The following PPCDC variants were observed in gnomAD, a reference collection of about 807,000 sequenced individuals.
PPCDC encodes the protein phosphopantothenoylcysteine decarboxylase.
Under a neutral mutation model 20.7 loss-of-function variants are expected in PPCDC, and 20 were observed. The observed-to-expected ratio is 0.97, with a 90% CI of 0.68 to 1.41. The LOEUF (loss-of-function observed/expected upper bound fraction) is 1.41, where lower values mean the gene tolerates loss of function less well. PPCDC is among the 40% of genes most tolerant of loss of function. The pLI is 0.00. For missense variants in PPCDC, 246 were observed against 263.8 expected, an observed-to-expected ratio of 0.93 and a Z score of 0.47; for synonymous variants, 88 against 100.3, an observed-to-expected ratio of 0.88 and a Z score of 0.73.
chr15:75,034,215 T>C (rs2066059144), intron 2 of PPCDC, among the ~76,000 whole-genome samples: 1 of 152,194 alleles, frequency 6.6e-6, no homozygotes, highest in Non-Finnish European at 1.5e-5. Flanking sequence ...CCAGGTTTCC[T>C]GGGTCCTATC....
At chr15:75,040,690 C>CA (rs1466960185) in intron 2 of PPCDC, among the ~76,000 whole-genome samples, 1 of 151,960 alleles carries the variant, frequency 6.6e-6, no homozygotes, top group East Asian at 1.9e-4. Flanking sequence ...GTTAGGGTCT[C>CA]ACCCTTTCAC....
At chr15:75,027,224 C>G (rs1234059466) in intron 1 of PPCDC, among the ~76,000 whole-genome samples, 1 of 152,126 alleles carries the variant, frequency 6.6e-6, no homozygotes, top group Non-Finnish European at 1.5e-5. Context: ...CTACAGATTC[C>G]CCAGAGGCAG....
chr15:75,028,133 G>C, intron 1 of PPCDC, 114 bp from the exon 2 acceptor site: 2 of 705,796 alleles, frequency 2.8e-6, no homozygotes, highest in Non-Finnish European at 4.6e-6. Context: ...CCTGAAGCCA[G>C]GACTGCTGAT....
intron 2 of PPCDC, among the ~76,000 whole-genome samples, chr15:75,037,701 G>A (rs149299199): frequency 7.2e-5 from 11 of 152,296 alleles, no homozygotes; most frequent in African/African-American, 2.4e-4. Flanking sequence ...AGATTGCGCC[G>A]CTGCACTCCA....
In PPCDC at chr15:75,034,154, G is replaced by A. The variant is rs147474527; in HGVS notation, c.135+5701G>A. On this transcript the variant is annotated intron_variant, in intron 2 of 5. Coordinates refer to ENST00000342932, the MANE Select transcript of PPCDC (RefSeq NM_021823.5). Reference sequence around the variant, plus strand: ...ACCAGGCACAGAGGAAGAGGGTCTCGCCCACGGCCTTCCAGGGAGTGAGTG... The same window carrying A: ...ACCAGGCACAGAGGAAGAGGGTCTCACCCACGGCCTTCCAGGGAGTGAGTG... Among the ~76,000 whole-genome samples the A allele has an allele frequency of 5.1e-3, 771 of 152,272 alleles. 6 individuals carry two copies. Among genetic ancestry groups the A allele is most frequent in the African/African-American group, 0.018 (743 of 41,548 alleles).
intron 3 of PPCDC, 143 bp from the exon 4 acceptor site, chr15:75,044,243 A>C: frequency 8.3e-7 from 1 of 1,206,138 alleles, no homozygotes; most frequent in South Asian, 1.4e-5. Context: ...AGCGCTCGCC[A>C]GCTTAGCTGC....
intron 4 of PPCDC, among the ~76,000 whole-genome samples, chr15:75,047,075 G>T (rs1715861020): frequency 6.6e-6 from 1 of 152,224 alleles, no homozygotes; most frequent in Admixed American, 6.5e-5. Flanking sequence ...CTGCTTTCGT[G>T]GGTTCAGAGT....
At chr15:75,030,789 G>A (rs1002262280) in intron 2 of PPCDC, among the ~76,000 whole-genome samples, 5 of 152,184 alleles carry the variant, frequency 3.3e-5, no homozygotes, top group South Asian at 2.1e-4. Context: ...AACAGCTGGG[G>A]TGTGGGCTGC....
intron 2 of PPCDC, among the ~76,000 whole-genome samples, chr15:75,032,737 A>C (rs1436967161): frequency 2.9e-4 from 6 of 20,496 alleles, no homozygotes; most frequent in South Asian, 3.2e-3. Flanking sequence ...CCCCCCCCCA[A>C]GGCCAAATTC....
At chr15:75,036,332 A>G (rs1227127291) in intron 2 of PPCDC, among the ~76,000 whole-genome samples, 1 of 152,254 alleles carries the variant, frequency 6.6e-6, no homozygotes, top group Non-Finnish European at 1.5e-5. Flanking sequence ...GAATGAAAAT[A>G]AAAGAACAAA....
At chr15:75,037,974 C>A (rs1330543235) in intron 2 of PPCDC, among the ~76,000 whole-genome samples, 2 of 152,020 alleles carry the variant, frequency 1.3e-5, no homozygotes, top group Non-Finnish European at 2.9e-5. Context: ...ATCCATTTAT[C>A]AAAAAGGTGA....
chr15:75,023,826 C>A (rs1191316217), intron 1 of PPCDC, among the ~76,000 whole-genome samples, 200 bp downstream of exon 1: 1 of 152,110 alleles, frequency 6.6e-6, no homozygotes, highest in East Asian at 1.9e-4. Flanking sequence ...CCCGGCTGTA[C>A]GGGTGGGGCC....
intron 2 of PPCDC, among the ~76,000 whole-genome samples, chr15:75,038,347 G>T (rs1305549491): frequency 6.6e-6 from 1 of 152,182 alleles, no homozygotes; most frequent in Non-Finnish European, 1.5e-5. Context: ...TGATGGTGGT[G>T]CTGGCTGAGA....
At chr15:75,028,115 G>A (rs911664385) in intron 1 of PPCDC, 132 bp from the exon 2 acceptor site, 3 of 614,472 alleles carry the variant, frequency 4.9e-6, no homozygotes, top group African/African-American at 1.9e-5. Context: ...TTATCAAACT[G>A]TGTGCTCCCT....
At chr15:75,044,869 C>T (rs1372885221) in intron 4 of PPCDC, 4 of 254,134 alleles carry the variant, frequency 1.6e-5, no homozygotes, top group Non-Finnish European at 3.1e-5. Flanking sequence ...AGCCCCATCG[C>T]CTCCCGCTTC....
Position 75,044,424 on chromosome 15 carries a change from C to T in PPCDC, c.270C>T (p.Asp90=), listed in dbSNP as rs368780963. The change falls in exon 4 of 6, where the codon GAC becomes GAT. Residue 90 remains aspartate (D), a synonymous_variant. Coordinates refer to ENST00000342932, the MANE Select transcript of PPCDC (RefSeq NM_021823.5). ...GCTCTGACCCAGTTCTGCACATTGACCTGCGGAGGTGGGCAGACCTCCTGC... is the reference window on the plus strand; with the variant it reads ...GCTCTGACCCAGTTCTGCACATTGATCTGCGGAGGTGGGCAGACCTCCTGC... The part of the protein sequence containing the change: ...KSRSDPVLHI[D]LRRWADLLLV... 1.5e-5 allele frequency: 24 copies of T among 1,614,056 alleles called. No homozygotes were observed. In the East Asian group the frequency reaches 2.5e-4, roughly 16 times the overall value.
At chr15:75,040,238 A>T (rs191089266) in intron 2 of PPCDC, among the ~76,000 whole-genome samples, 1 of 152,038 alleles carries the variant, frequency 6.6e-6, no homozygotes, top group Admixed American at 6.5e-5. Context: ...GTGTGCCACG[A>T]TGCTGGCTAA....
At chr15:75,037,325 C>A (rs554441980) in intron 2 of PPCDC, among the ~76,000 whole-genome samples, 2 of 152,094 alleles carry the variant, frequency 1.3e-5, no homozygotes, top group Non-Finnish European at 2.9e-5. Context: ...TCCAGAGCCC[C>A]CCAGGGTGAG....
intron 2 of PPCDC, among the ~76,000 whole-genome samples, chr15:75,028,693 G>C (rs1431262793): frequency 6.6e-6 from 1 of 152,148 alleles, no homozygotes; most frequent in Non-Finnish European, 1.5e-5. Context: ...ACTGGGAAAG[G>C]ACCCAGTGAA....
Sources: allele counts gnomAD v4.1 joint callset (sites outside exome capture counted in the v4.1 genomes callset), GRCh38; gene constraint gnomAD v4.1.1; transcripts MANE v1.5; gene names NCBI Gene and HGNC (gene_info 2026-07-23, HGNC 2026-07-21).